Variants in GPHN observed in about 807,000 individuals in gnomAD.
The protein encoded by GPHN is gephyrin.
Under a neutral mutation model 95.5 loss-of-function variants are expected in GPHN, and 17 were observed. That is an observed-to-expected ratio of 0.18 (90% confidence interval 0.12 to 0.27). The LOEUF is 0.27. GPHN is among the 10% of genes least tolerant of loss of function. The pLI, the probability that GPHN is intolerant of heterozygous loss-of-function variation, is 1.00. For missense variants in GPHN, 660 were observed against 978.1 expected, an observed-to-expected ratio of 0.67 and a Z score of 4.34; for synonymous variants, 320 against 322.5, an observed-to-expected ratio of 0.99 and a Z score of 0.08.
intron 1 of GPHN, among the ~76,000 whole-genome samples, chr14:66,533,965 A>G (rs1401895549): frequency 6.6e-6 from 1 of 152,162 alleles, no homozygotes; most frequent in Non-Finnish European, 1.5e-5. Context: ...ACCTAGTTAG[A>G]TGATTTATTT....
intron 2 of GPHN, among the ~76,000 whole-genome samples, chr14:66,753,985 T>C (rs1161593523): frequency 6.6e-6 from 1 of 152,118 alleles, no homozygotes; most frequent in Non-Finnish European, 1.5e-5. Flanking sequence ...ATTTTTGTGT[T>C]TAGCTTTTTT....
chr14:67,049,871 G>C (rs879860991), intron 10 of GPHN, among the ~76,000 whole-genome samples: 10 of 152,144 alleles, frequency 6.6e-5, no homozygotes, highest in Non-Finnish European at 1.5e-4. Context: ...TGAGTCTTGA[G>C]TGGGAAGAAG....
At chr14:67,367,734 G>A in the GPHN span, among the ~76,000 whole-genome samples, 1 of 152,018 alleles carries the variant, frequency 6.6e-6, no homozygotes, top group African/African-American at 2.4e-5. Flanking sequence ...TTCTCGGGCG[G>A]CTGAGGTAGG....
At chr14:66,746,890 C>G (rs1342513220) in intron 2 of GPHN, among the ~76,000 whole-genome samples, 2 of 152,078 alleles carry the variant, frequency 1.3e-5, no homozygotes, top group Non-Finnish European at 2.9e-5. Context: ...CCTGCAGTCT[C>G]TCATTTCTGT....
chr14:67,638,469 C>T, the GPHN span, among the ~76,000 whole-genome samples: 1 of 152,144 alleles, frequency 6.6e-6, no homozygotes, highest in African/African-American at 2.4e-5. Context: ...TCCAATTTTA[C>T]AGAGAATTTC....
chr14:67,605,658 A>AT, the GPHN span, among the ~76,000 whole-genome samples: 1 of 152,162 alleles, frequency 6.6e-6, no homozygotes, highest in Non-Finnish European at 1.5e-5. Context: ...TATAAAATTT[A>AT]TATTAAATAA....
the GPHN span, among the ~76,000 whole-genome samples, chr14:67,226,150 G>C: frequency 2.0e-5 from 3 of 152,090 alleles, no homozygotes; most frequent in African/African-American, 7.2e-5. Context: ...ACCAAAGCCA[G>C]CTTAGCACTT....
chr14:66,838,194 TAGTA>T (rs1170490154), intron 4 of GPHN, among the ~76,000 whole-genome samples: 1 of 152,190 alleles, frequency 6.6e-6, no homozygotes, highest in East Asian at 1.9e-4. Context: ...TGTAAAATGA[TAGTA>T]AGAGTACTTG....
chr14:67,685,274 G>T, the GPHN span: 1 of 1,296,568 alleles, frequency 7.7e-7, no homozygotes, highest in South Asian at 1.4e-5. Context: ...AAACAGAAAA[G>T]GATGTAAATA....
At chr14:67,072,281 A>C (rs960583826) in intron 11 of GPHN, among the ~76,000 whole-genome samples, 1 of 152,214 alleles carries the variant, frequency 6.6e-6, no homozygotes, top group Non-Finnish European at 1.5e-5. Context: ...TAGAAATTAC[A>C]ACTCATCCCT....
chr14:66,559,808 C>G (rs1462819734), intron 1 of GPHN, among the ~76,000 whole-genome samples: 1 of 151,988 alleles, frequency 6.6e-6, no homozygotes, highest in Non-Finnish European at 1.5e-5. Flanking sequence ...ACATGAAGTC[C>G]TTGCCCATGT....
chr14:67,323,261 G>GTGTGTGTGTGTGTA, the GPHN span, among the ~76,000 whole-genome samples: 184 of 124,172 alleles, frequency 1.5e-3, no homozygotes, highest in Non-Finnish European at 1.9e-3. Flanking sequence ...GTGTGTGTGT[G>GTGTGTGTGTGTGTA]TATATATATA....
At position 67,045,653 on chromosome 14, in the gene GPHN, GTC is replaced by G. The variant is rs199602753; in HGVS notation, c.1007-12984_1007-12983del. ...CATCTGTCCATCTCTCTCTGCCTCT[GTC>G]TCTCTCTCTCTGTCTCTCCCTCTCT... is the stretch of plus-strand genomic sequence containing the variant. On this transcript the variant is annotated intron_variant, in intron 10 of 22. Transcript: ENST00000478722. Among the ~76,000 whole-genome samples the G allele has an allele frequency of 3.6e-3, 518 of 142,570 alleles. 15 individuals are homozygous for G. The East Asian group carries it at 0.088, about 24-fold the overall frequency. The allele number at this position is 142,570 out of a possible 152,430, so 93.5% of individuals were successfully genotyped here.
At chr14:66,848,053 T>C (rs895281405) in intron 4 of GPHN, among the ~76,000 whole-genome samples, 4 of 152,072 alleles carry the variant, frequency 2.6e-5, no homozygotes, top group African/African-American at 9.7e-5. Context: ...ACCTGAAAAG[T>C]GCACTAGTTA....
At chr14:67,463,440 C>G in the GPHN span, among the ~76,000 whole-genome samples, 1 of 151,940 alleles carries the variant, frequency 6.6e-6, no homozygotes, top group African/African-American at 2.4e-5. Context: ...GAGATCGAGA[C>G]CATCCTGACT....
At chr14:66,728,112 A>T (rs930571487) in intron 2 of GPHN, among the ~76,000 whole-genome samples, 1 of 152,148 alleles carries the variant, frequency 6.6e-6, no homozygotes, top group African/African-American at 2.4e-5. Context: ...GCAAGCCCCA[A>T]GCCTTGGCAG....
chr14:67,320,781 T>C, the GPHN span, among the ~76,000 whole-genome samples: 5 of 152,138 alleles, frequency 3.3e-5, no homozygotes, highest in African/African-American at 1.2e-4. Flanking sequence ...AGATGAGTAG[T>C]AGTGTTTTAA....
chr14:66,755,269 TACTG>T (rs1437669956), intron 2 of GPHN, among the ~76,000 whole-genome samples: 13 of 152,280 alleles, frequency 8.5e-5, no homozygotes, highest in Admixed American at 4.6e-4. Flanking sequence ...AGCTTGACTT[TACTG>T]ACTATGTTTG....
chr14:66,651,265 A>G (rs564187238), intron 1 of GPHN, among the ~76,000 whole-genome samples: 6 of 152,256 alleles, frequency 3.9e-5, no homozygotes, highest in Non-Finnish European at 8.8e-5. Flanking sequence ...TGCACAGAGA[A>G]CTCGATCTGT....
Sources: allele counts gnomAD v4.1 joint callset (sites outside exome capture counted in the v4.1 genomes callset), GRCh38; gene constraint gnomAD v4.1.1; transcripts MANE v1.5; gene names NCBI Gene and HGNC (gene_info 2026-07-23, HGNC 2026-07-21).